The following RNF19B variants were observed in gnomAD, a reference collection of about 807,000 sequenced individuals.
RNF19B encodes the protein E3 ubiquitin-protein ligase RNF19B.
A neutral mutation model predicts 65.5 loss-of-function variants in RNF19B; 23 were observed. That is an observed-to-expected ratio of 0.35 (90% CI 0.25 to 0.50). The LOEUF is 0.50. Among genes scored for constraint, RNF19B ranks in the 20% least tolerant of loss-of-function variants. RNF19B has a pLI of 0.98. For synonymous variants in RNF19B, 372 were observed against 379.6 expected (o/e 0.98, Z 0.23); for missense variants, 794 against 980.0 (o/e 0.81, Z 2.53).
chr1:32,937,309 C>A, intron 8 of RNF19B, 50 bp from the exon 9 acceptor site: 4 of 1,610,068 alleles, frequency 2.5e-6, no homozygotes, highest in Non-Finnish European at 3.4e-6. Context: ...TCATGCTAAA[C>A]CTGTTGGTAA....
At chr1:32,950,659 CTA>C (rs1642471928) in intron 1 of RNF19B, among the ~76,000 whole-genome samples, 1 of 151,738 alleles carries the variant, frequency 6.6e-6, no homozygotes, top group Non-Finnish European at 1.5e-5. Context: ...GCCTCAGCCT[CTA>C]GAGTAGCTGG....
rs148463624 is a variant in RNF19B at position 32,943,881 on chromosome 1, C to T, written c.1402+138G>A. Reference sequence around the variant, plus strand: ...AACTTTGGAACAAAGAAATGAAAAGCTAAAAATACTTTACCCCCTACAAAG... The same window carrying T: ...AACTTTGGAACAAAGAAATGAAAAGTTAAAAATACTTTACCCCCTACAAAG... On this transcript the variant is annotated intron_variant, in intron 6 of 8. Coordinates refer to ENST00000235150, the MANE Select transcript of RNF19B (RefSeq NM_001300826.2). The T allele has an allele frequency of 2.2e-4, 184 of 853,418 alleles. No individual in the cohort carries two copies. In the African/African-American group the frequency reaches 2.6e-3, roughly 12 times the overall value. The allele number at this position is 853,418 out of a possible 1,614,324, so 52.9% of individuals were successfully genotyped here.
At chr1:32,931,703 C>G (rs1642031460), downstream of RNF19B, among the ~76,000 whole-genome samples, 1 of 152,204 alleles carries the variant, frequency 6.6e-6, no homozygotes, top group Admixed American at 6.5e-5. Flanking sequence ...TGGGTCTCTC[C>G]CATACTATGC....
At chr1:32,952,429 TAAAAAAAAAAA>T (rs375150376) in intron 1 of RNF19B, among the ~76,000 whole-genome samples, 30 of 74,008 alleles carry the variant, frequency 4.1e-4, no homozygotes, top group East Asian at 6.6e-4. Flanking sequence ...CCTTTTCTCT[TAAAAAAAAAAA>T]AAAAAAAAAA....
chr1:32,964,647 T>C lies in RNF19B; in HGVS notation c.39A>G (p.Thr13=), dbSNP rs1253251956. ...GGTCGGGTGCGGCCGCATGTAGCGA[T>C]GTGGAGCGCGGCGACTCGGAGTCCT... ...SEKDSESPRS[T]SLHAAAPDPK... is the part of the protein sequence containing the mutation. The change falls in exon 1 of 9, where the codon ACA becomes ACG. Residue 13 remains threonine, a synonymous_variant. Transcript: ENST00000235150. The surrounding 1 kb of genome is among the most constrained non-coding windows in gnomAD (Gnocchi z 6.5). The C allele has an allele frequency of 2.0e-6, 3 of 1,474,256 alleles. No individual in the cohort carries two copies. The East Asian group carries it at 9.2e-5, about 45-fold the overall frequency. 91.3% of individuals were successfully genotyped at this position (1,474,256 alleles called of 1,614,324 possible). A position where few individuals can be genotyped will look rare whatever the true frequency, so the allele number is the denominator to read the frequency against.
At chr1:32,956,164 G>A (rs541053722) in intron 1 of RNF19B, among the ~76,000 whole-genome samples, 2 of 152,144 alleles carry the variant, frequency 1.3e-5, no homozygotes, top group South Asian at 2.1e-4. Context: ...TCAGGAGTTC[G>A]AGACCAGCCT....
intron 1 of RNF19B, among the ~76,000 whole-genome samples, chr1:32,956,766 G>C (rs982620558): frequency 1.3e-5 from 2 of 152,040 alleles, no homozygotes; most frequent in African/African-American, 4.8e-5. Flanking sequence ...GTATAAATTT[G>C]ATTATGCTCC....
intron 1 of RNF19B, among the ~76,000 whole-genome samples, chr1:32,954,805 T>G (rs1642595805): frequency 6.6e-6 from 1 of 151,846 alleles, no homozygotes; most frequent in Admixed American, 6.6e-5. Context: ...TAGGTACTTG[T>G]CACATTCAAA....
At chr1:32,935,522 T>A (rs1297175669), downstream of RNF19B, among the ~76,000 whole-genome samples, 2 of 152,230 alleles carry the variant, frequency 1.3e-5, no homozygotes, top group East Asian at 3.9e-4. Flanking sequence ...CAGATAAATA[T>A]GTTCAGAGAT....
intron 6 of RNF19B, among the ~76,000 whole-genome samples, chr1:32,943,181 C>T (rs1208868315): frequency 6.6e-6 from 1 of 151,796 alleles, no homozygotes; most frequent in Non-Finnish European, 1.5e-5. Context: ...CTAGAAAAAC[C>T]TTTGGGGTTT....
At chr1:32,947,658 TAAA>T (rs375806177) in intron 3 of RNF19B, among the ~76,000 whole-genome samples, 1 of 125,696 alleles carries the variant, frequency 8.0e-6, no homozygotes, top group Non-Finnish European at 1.7e-5. Context: ...AACTCTGTCT[TAAA>T]AAAAAAAAAA....
chr1:32,934,625 G>A (rs1737386), downstream of RNF19B, among the ~76,000 whole-genome samples: 1,939 of 152,128 alleles, frequency 0.013, 37 homozygotes, highest in African/African-American at 0.044. Flanking sequence ...AGGTTGCAGT[G>A]TGCCAAAATC....
At chr1:32,947,433 G>A (rs1642390966) in intron 3 of RNF19B, among the ~76,000 whole-genome samples, 1 of 152,170 alleles carries the variant, frequency 6.6e-6, no homozygotes, top group Non-Finnish European at 1.5e-5. Flanking sequence ...GCCGAGGCAG[G>A]CGGACCACCT....
intron 7 of RNF19B, among the ~76,000 whole-genome samples, chr1:32,941,136 T>C (rs868341121): frequency 2.6e-5 from 4 of 151,960 alleles, no homozygotes; most frequent in East Asian, 3.9e-4. Context: ...GGTGGTAGGA[T>C]TGCCTGAGTC....
At chr1:32,934,349 A>G (rs1642064107), downstream of RNF19B, among the ~76,000 whole-genome samples, 1 of 152,156 alleles carries the variant, frequency 6.6e-6, no homozygotes, top group African/African-American at 2.4e-5. Context: ...TGGGCCCAGG[A>G]CTAAGGTGAG....
At chr1:32,953,970 G>A (rs1368209790) in intron 1 of RNF19B, among the ~76,000 whole-genome samples, 1 of 142,384 alleles carries the variant, frequency 7.0e-6, no homozygotes, top group South Asian at 2.2e-4. Context: ...GTGCAATGGC[G>A]TGCTCTCGGC....
chr1:32,929,125 GGGGA>G, the RNF19B span, among the ~76,000 whole-genome samples: 5 of 152,118 alleles, frequency 3.3e-5, no homozygotes, highest in Non-Finnish European at 5.9e-5. Context: ...GCGGGCTGTG[GGGGA>G]GGATCTGTTC....
intron 3 of RNF19B, among the ~76,000 whole-genome samples, chr1:32,947,802 C>CAAAA (rs1553144714): frequency 2.6e-5 from 4 of 151,680 alleles, no homozygotes; most frequent in Non-Finnish European, 5.9e-5. Context: ...AAAGTACTGA[C>CAAAA]GATATTTATG....
chr1:32,950,128 C>T (rs920910960), intron 1 of RNF19B, among the ~76,000 whole-genome samples: 1 of 152,134 alleles, frequency 6.6e-6, no homozygotes, highest in African/African-American at 2.4e-5. Context: ...AGCCACCACG[C>T]CTGGCTAATT....
Sources: gnomAD v4.1 joint callset for allele counts (sites outside exome capture counted in the v4.1 genomes callset) on GRCh38, gnomAD v4.1.1 for gene constraint, Gnocchi (gnomAD v3.1) non-coding constraint, MANE v1.5 for transcripts, NCBI Gene and HGNC (gene_info 2026-07-23, HGNC 2026-07-21) for gene names.